NAV3: variants seen among roughly 807,000 people sequenced by gnomAD.
NAV3 encodes the protein pore membrane and/or filament interacting like protein 1.
In NAV3, 87 loss-of-function variants were observed where a neutral mutation model predicts 244.7. The ratio of observed to expected loss-of-function variants is 0.36; its 90% confidence interval spans 0.30 to 0.42. The LOEUF (loss-of-function observed/expected upper bound fraction) is 0.42, where lower values mean the gene tolerates loss of function less well. Ranked by LOEUF, NAV3 falls within the 20% of genes least tolerant of loss-of-function variation. The pLI, the probability that NAV3 is intolerant of heterozygous loss-of-function variation, is 1.00. For missense variants in NAV3, 2,663 were observed against 2,893.3 expected (o/e 0.92, Z 1.83); for synonymous variants, 1,126 against 1,042.2 (o/e 1.08, Z -1.55).
intron 1 of NAV3, among the ~76,000 whole-genome samples, chr12:77,873,402 G>GTTATTTATAACTTTATTCATTA (rs1279039653): frequency 6.6e-6 from 1 of 151,454 alleles, no homozygotes; most frequent in Non-Finnish European, 1.5e-5. Flanking sequence ...GTGACAAATC[G>GTTATTTATAACTTTATTCATTA]TTACTTTATA....
At chr12:77,940,689 G>A (rs1889785957) in intron 2 of NAV3, among the ~76,000 whole-genome samples, 1 of 152,200 alleles carries the variant, frequency 6.6e-6, no homozygotes, top group African/African-American at 2.4e-5. Context: ...GAATCGAACT[G>A]TCAGAAATGA....
intron 2 of NAV3, among the ~76,000 whole-genome samples, chr12:77,720,169 C>CTG (rs1876548104): frequency 2.0e-5 from 3 of 151,564 alleles, no homozygotes; most frequent in Admixed American, 6.6e-5. Flanking sequence ...CTCTCTCTCT[C>CTG]TCTCTCTCTC....
rs1200864528 is a variant in NAV3 at position 78,177,311 on chromosome 12, A to G, written c.5295A>G (p.Ser1765=). 2 of 1,600,240 alleles carry G rather than the reference A, an allele frequency of 1.2e-6. No homozygotes were observed. The highest frequency in any genetic ancestry group is 1.1e-5 in the South Asian group (1 of 87,782). ...CCATGAAGCCCTCACAATCTGCTTC[A>G]GCGTAAGTTGCTCCTTCTGCAAAAT... The part of the protein sequence containing the change: ...SASMKPSQSA[S]ASPLVWPPKK... The change falls in exon 27 of 40, where the codon TCA becomes TCG. Residue 1765 remains serine (S), a splice_region_variant and synonymous_variant. Coordinates refer to ENST00000397909, the MANE Select transcript of NAV3 (RefSeq NM_001024383.2).
At chr12:77,604,131 A>C (rs1460996386) in intron 2 of NAV3, among the ~76,000 whole-genome samples, 1 of 152,078 alleles carries the variant, frequency 6.6e-6, no homozygotes, top group Non-Finnish European at 1.5e-5. Flanking sequence ...CACTAAGGAT[A>C]AATATGATGA....
intron 2 of NAV3, 66 bp downstream of exon 2, chr12:77,940,502 T>C: frequency 7.9e-7 from 1 of 1,273,784 alleles, no homozygotes; most frequent in Non-Finnish European, 1.1e-6. Context: ...AAAGCACAAC[T>C]TAAGTTAAGC....
Position 78,090,171 on chromosome 12 carries a change from G to T in NAV3, c.2637-26601G>T, listed in dbSNP as rs962355944. Reference sequence around the variant, plus strand: ...TGCCCAAATACATACATATATATATGTGTAAATATATATGTGTGTATATAT... The same window carrying T: ...TGCCCAAATACATACATATATATATTTGTAAATATATATGTGTGTATATAT... On this transcript the variant is annotated intron_variant, in intron 12 of 39. Transcript: ENST00000397909. Among the ~76,000 whole-genome samples, 3 of 148,622 alleles carry T rather than the reference G, an allele frequency of 2.0e-5. No homozygotes were observed. In the South Asian group the frequency reaches 6.3e-4, roughly 31 times the overall value.
In NAV3 at chr12:77,794,542, G is replaced by A. The variant is rs143340006; in HGVS notation, c.73-145777G>A. On this transcript the variant is annotated intron_variant, in intron 2 of 8. Coordinates refer to the NAV3 transcript ENST00000550042. The stretch of plus-strand genomic sequence containing the variant: ...TTTAATATTTTTCAAAGCACAATGC[G>A]GCAGAGCCAGAGATACAGGCATACT... Among the ~76,000 whole-genome samples, 62 of 152,174 alleles carry A rather than the reference G, an allele frequency of 4.1e-4. 1 individual carries two copies. The highest frequency in any genetic ancestry group is 4.1e-3 in the East Asian group (21 of 5,170).
At chr12:77,640,916 G>A (rs1428132556) in intron 2 of NAV3, among the ~76,000 whole-genome samples, 1 of 152,100 alleles carries the variant, frequency 6.6e-6, no homozygotes, top group Non-Finnish European at 1.5e-5. Context: ...GCAAAGAGAG[G>A]TATGAGAAGT....
chr12:77,600,772 A>T (rs532840874), intron 2 of NAV3, among the ~76,000 whole-genome samples: 2 of 152,046 alleles, frequency 1.3e-5, no homozygotes, highest in East Asian at 3.9e-4. Flanking sequence ...TGACCTTTAG[A>T]TAGGGGTGAA....
At chr12:77,967,655 C>A (rs1032314203) in intron 4 of NAV3, among the ~76,000 whole-genome samples, 72 of 152,120 alleles carry the variant, frequency 4.7e-4, no homozygotes, top group African/African-American at 1.5e-3. Context: ...TATTTTCAAG[C>A]TTTACATCCT....
intron 1 of NAV3, among the ~76,000 whole-genome samples, chr12:77,877,961 A>G (rs1249287848): frequency 3.9e-5 from 6 of 152,156 alleles, no homozygotes; most frequent in Non-Finnish European, 7.3e-5. Flanking sequence ...CCAAAAGCTT[A>G]TAACCCCAGT....
chr12:77,940,356 C>T lies in NAV3; in HGVS notation c.281C>T (p.Ser94Leu), dbSNP rs745559316. ...TGGGCCAACCACTACCTAGCAAAAT[C>T]AGGCCACAAGCGGCTGATCAAGGAC... The part of the protein sequence containing the change: ...TDWANHYLAK[S>L]GHKRLIKDLQ... Residue 94 changes from serine to leucine, a missense_variant, in exon 2 of 40, where the codon TCA becomes TTA. This residue lies in a region of NAV3 where 1,521 missense variants were observed against 1,497.0 expected (regional missense o/e 1.02). Transcript: ENST00000397909. 6.2e-7 allele frequency: 1 copy of T among 1,613,908 alleles called. No individual in the cohort carries two copies. Among genetic ancestry groups the T allele is most frequent in the Non-Finnish European group, 8.5e-7 (1 of 1,179,836 alleles).
intron 2 of NAV3, among the ~76,000 whole-genome samples, chr12:77,791,403 T>C (rs955980544): frequency 6.6e-6 from 1 of 152,072 alleles, no homozygotes; most frequent in Non-Finnish European, 1.5e-5. Context: ...TATTTTCTTC[T>C]TCACTCAATC....
chr12:78,067,580 A>G (rs1468327817), intron 12 of NAV3, among the ~76,000 whole-genome samples: 1 of 152,028 alleles, frequency 6.6e-6, no homozygotes, highest in Non-Finnish European at 1.5e-5. Flanking sequence ...ATTAATTCAT[A>G]CCACATCCAC....
At position 78,177,620 on chromosome 12, in the gene NAV3, G is replaced by A; in HGVS notation, c.5298G>A (p.Ala1766=). ...TCTGTCTAACTGTATGTACATACAG[G>A]TCACCCCTTGTCTGGCCACCAAAGA... ...ASMKPSQSAS[A]SPLVWPPKKR... is the part of the protein sequence containing the mutation. The change falls in exon 28 of 40, where the codon GCG becomes GCA. Residue 1766 remains alanine, a splice_region_variant and synonymous_variant. Coordinates refer to ENST00000397909, the MANE Select transcript of NAV3 (RefSeq NM_001024383.2). 1 of 1,596,612 alleles carries A rather than the reference G, an allele frequency of 6.3e-7. No individual in the cohort carries two copies. The highest frequency in any genetic ancestry group is 1.1e-5 in the South Asian group (1 of 91,006).
intron 12 of NAV3, among the ~76,000 whole-genome samples, chr12:78,103,646 A>G (rs1433127248): frequency 6.6e-6 from 1 of 152,238 alleles, no homozygotes; most frequent in African/African-American, 2.4e-5. Context: ...ACAGTTCCAC[A>G]TGGCTAGGGA....
At chr12:78,063,447 G>T (rs1444021109) in intron 12 of NAV3, among the ~76,000 whole-genome samples, 1 of 152,046 alleles carries the variant, frequency 6.6e-6, no homozygotes, top group African/African-American at 2.4e-5. Flanking sequence ...TCCTATTATT[G>T]TTCTTACTCT....
chr12:77,737,882 T>G (rs1877401791), intron 2 of NAV3, among the ~76,000 whole-genome samples: 2 of 150,906 alleles, frequency 1.3e-5, no homozygotes, highest in African/African-American at 4.8e-5. Flanking sequence ...TCAAACATGC[T>G]TTTTTTGTGT....
chr12:77,735,463 AG>A (rs1486191010), intron 2 of NAV3, among the ~76,000 whole-genome samples: 2 of 152,056 alleles, frequency 1.3e-5, no homozygotes, highest in African/African-American at 4.8e-5. Context: ...AACAACTTAA[AG>A]ATAAGAAGAA....
Sources: allele counts gnomAD v4.1 joint callset (sites outside exome capture counted in the v4.1 genomes callset), GRCh38; gene constraint gnomAD v4.1.1; regional missense constraint gnomAD v4.1.1; transcripts MANE v1.5; gene names NCBI Gene and HGNC (gene_info 2026-07-23, HGNC 2026-07-21).